The following TRPV6 variants were observed in gnomAD, a reference collection of about 807,000 sequenced individuals.
TRPV6 encodes the protein Alu-binding protein with zinc finger domain.
Under a neutral mutation model 79.0 loss-of-function variants are expected in TRPV6, and 39 were observed. The ratio of observed to expected loss-of-function variants is 0.49; its 90% CI spans 0.38 to 0.64. The LOEUF is 0.64. TRPV6 is among the 30% of genes least tolerant of loss of function. The probability of loss-of-function intolerance (pLI) is 0.00; values close to 1 mark genes in which losing one functional copy is unlikely to be tolerated. For missense variants in TRPV6, 813 were observed against 1,011.1 expected (o/e 0.80, Z 2.66); for synonymous variants, 373 against 391.9 (o/e 0.95, Z 0.57).
chr7:142,882,473 T>A (rs1468718582), intron 1 of TRPV6: 1 of 152,178 alleles, frequency 6.6e-6, no homozygotes, highest in Middle Eastern at 3.2e-3. Flanking sequence ...TCTAGTTTTA[T>A]GGCTCCTCCT....
chr7:142,882,850 A>C (rs1334470139), intron 1 of TRPV6: 1 of 152,150 alleles, frequency 6.6e-6, no homozygotes, highest in Admixed American at 6.5e-5. Flanking sequence ...AACAAGCATC[A>C]CCTTCCCTCC....
At chr7:142,875,043 C>A (rs1416807500) in intron 9 of TRPV6, 35 bp downstream of exon 9, 2 of 1,613,972 alleles carry the variant, frequency 1.2e-6, no homozygotes, top group Admixed American at 1.7e-5. Context: ...ATTCCTCGGG[C>A]AGACAGCCTC....
At position 142,871,955 on chromosome 7, in the gene TRPV6, T is replaced by C; in HGVS notation, c.2050A>G (p.Ile684Val). Residue 684 changes from isoleucine (I) to valine (V), a missense_variant, in exon 15 of 15, where the codon ATC becomes GTC. By Grantham distance (29) the Ile-to-Val change is conservative (BLOSUM62 3). Transcript: ENST00000359396. The stretch of plus-strand genomic sequence containing the variant: ...TGGAAGGCCTGTGCGTAGCGTTGGA[T>C]CCGCTGCCGGTTGAGATCTTGCCTG... 2 of 1,608,326 alleles carry C rather than the reference T, an allele frequency of 1.2e-6. No individual in the cohort carries two copies. The highest frequency in any genetic ancestry group is 3.4e-5 in the Admixed American group (2 of 59,638).
chr7:142,878,064 G>A, intron 1 of TRPV6, 38 bp from the exon 2 acceptor site: 2 of 1,560,932 alleles, frequency 1.3e-6, no homozygotes, highest in East Asian at 2.2e-5. Context: ...GAAACAGTGA[G>A]CATACCTAGT....
rs1586186754 is a variant in TRPV6 at position 142,874,359 on chromosome 7, A to G, written c.1572+132T>C. The G allele has an allele frequency of 7.6e-6, 10 of 1,313,710 alleles. No individual in the cohort carries two copies. In the African/African-American group the frequency reaches 8.8e-5, roughly 12 times the overall value. The allele number at this position is 1,313,710 out of a possible 1,614,324, so 81.4% of individuals were successfully genotyped here. A position where few individuals can be genotyped will look rare whatever the true frequency, so the allele number is the denominator to read the frequency against. On this transcript the variant is annotated intron_variant, in intron 11 of 14. Transcript: ENST00000359396. ...CATTTTTTAAAAGGATTGTTAAAAA[A>G]GAAGAAAAACATGCAGTGAGGCCAT...
intron 3 of TRPV6, 48 bp from the exon 4 acceptor site, chr7:142,877,327 C>G: frequency 6.2e-7 from 1 of 1,602,660 alleles, no homozygotes; most frequent in Non-Finnish European, 8.5e-7. Flanking sequence ...CAGGATCCTG[C>G]AGGGGGTCCC....
rs1795056718 is a variant in TRPV6 at position 142,875,878 on chromosome 7, C to T, written c.909G>A (p.Arg303=). ...GTCCATACGTCCACTGGGTGTGCTT[C>T]CGCTTCTGCATCAGGTGCTGAAACA... The change falls in exon 7 of 15, where the codon CGG becomes CGA. Residue 303 remains arginine, a synonymous_variant. Coordinates refer to ENST00000359396, the MANE Select transcript of TRPV6 (RefSeq NM_018646.6). The T allele has an allele frequency of 6.3e-7, 1 of 1,593,172 alleles. No homozygotes were observed. The highest frequency in any genetic ancestry group is 1.4e-5 in the African/African-American group (1 of 73,794).
rs747013325 is a variant in TRPV6 at position 142,876,565 on chromosome 7, A to G, written c.725T>C (p.Ile242Thr). 6 of 1,613,958 alleles carry G rather than the reference A, an allele frequency of 3.7e-6. No individual in the cohort carries two copies. Among genetic ancestry groups the G allele is most frequent in the African/African-American group, 1.3e-5 (1 of 74,854 alleles). Reference sequence around the variant, plus strand: ...GGTTTTGTTGGGCTGGAGGATGAGGATGTGTAACACTGTGTTTCCTGGGGA... The same window carrying G: ...GGTTTTGTTGGGCTGGAGGATGAGGGTGTGTAACACTGTGTTTCCTGGGGA... Residue 242 changes from isoleucine to threonine, a missense_variant, in exon 6 of 15, where the codon ATC becomes ACC. Physicochemically the swap from Ile to Thr is moderately conservative, Grantham distance 89. This residue lies in a region of TRPV6 where 555 missense variants were observed against 631.0 expected (regional missense o/e 0.88). Transcript: ENST00000359396.
At position 142,874,603 on chromosome 7, in the gene TRPV6, G is replaced by C; in HGVS notation, c.1460C>G (p.Ala487Gly). 1 of 1,614,150 alleles carries C rather than the reference G, an allele frequency of 6.2e-7. No individual in the cohort carries two copies. ...GGACATGGGTACCACCTCCCCGCTG[G>C]CACTGATGAGCCGCATCACCATGGT... is the stretch of plus-strand genomic sequence containing the variant. The change falls in exon 11 of 15, where the codon GCC becomes GGC. Residue 487 changes from alanine (A) to glycine (G), a missense_variant. Ala to Gly is a moderately conservative substitution (Grantham distance 60). Around this residue, in one of 3 missense-constraint regions of TRPV6, gnomAD observed 94 missense variants for 194.0 expected, o/e 0.48. Coordinates refer to ENST00000359396, the MANE Select transcript of TRPV6 (RefSeq NM_018646.6).
rs1211560831 is a variant in TRPV6 at position 142,872,003 on chromosome 7, G to A, written c.2016-14C>T. The A allele has an allele frequency of 6.4e-7, 1 of 1,566,562 alleles. No homozygotes were observed. Among genetic ancestry groups the A allele is most frequent in the African/African-American group, 1.4e-5 (1 of 73,522 alleles). On this transcript the variant is annotated splice_polypyrimidine_tract_variant and intron_variant, in intron 14 of 14. Coordinates refer to ENST00000359396, the MANE Select transcript of TRPV6 (RefSeq NM_018646.6). ...CTGTCTTCCACCCTGTGGAATGCGGGAGGACTTGAGACACAGCCAGGACTT... is the reference window on the plus strand; with the variant it reads ...CTGTCTTCCACCCTGTGGAATGCGGAAGGACTTGAGACACAGCCAGGACTT...
Position 142,871,401 on chromosome 7 carries a change from G to A in TRPV6, c.*306C>T. 2.2e-6 allele frequency: 1 copy of A among 453,482 alleles called. No individual in the cohort carries two copies. The highest frequency in any genetic ancestry group is 4.0e-5 in the East Asian group (1 of 24,998). 28.1% of individuals were successfully genotyped at this position (453,482 alleles called of 1,614,324 possible). ...GGGGTGGAGACCGAGCGCCCAAGCA[G>A]GCTGGCCTGTTTTTAAAGTGCTCTG... On this transcript the variant is annotated 3_prime_UTR_variant, in exon 15 of 15. Transcript: ENST00000359396.
rs1262156524 is a variant in TRPV6 at position 142,876,696 on chromosome 7, C to G, written c.706+43G>C. The G allele has an allele frequency of 2.5e-6, 4 of 1,613,600 alleles. 1 individual carries two copies. The highest frequency in any genetic ancestry group is 3.3e-5 in the Admixed American group (2 of 60,000). ...GCCCCTCTCCTCACCCTGTCCCTCA[C>G]TCCCTGCAGCATCCCAGCTCCCCTC... On this transcript the variant is annotated intron_variant, in intron 5 of 14. Transcript: ENST00000359396.
Position 142,877,036 on chromosome 7 carries a change from G to T in TRPV6, c.607+106C>A, listed in dbSNP as rs140686238. ...AGCCCTAGAAGGATTGCTCCTCCCA[G>T]CTGCCCAACAGATACGGCTGAAGAC... On this transcript the variant is annotated intron_variant, in intron 4 of 14. Coordinates refer to ENST00000359396, the MANE Select transcript of TRPV6 (RefSeq NM_018646.6). 1.6e-4 allele frequency: 231 copies of T among 1,482,242 alleles called. 3 individuals carry two copies. In the East Asian group the frequency reaches 5.6e-3, roughly 36 times the overall value. 91.8% of individuals were successfully genotyped at this position (1,482,242 alleles called of 1,614,324 possible). A position where few individuals can be genotyped will look rare whatever the true frequency, so the allele number is the denominator to read the frequency against.
intron 5 of TRPV6, 36 bp downstream of exon 5, chr7:142,876,703 C>A (rs1180659730): frequency 2.5e-6 from 4 of 1,613,770 alleles, no homozygotes; most frequent in Non-Finnish European, 3.4e-6. Context: ...TCACTCCCTG[C>A]AGCATCCCAG....
intron 1 of TRPV6, chr7:142,885,097 T>C (rs544324975): frequency 7.9e-6 from 2 of 252,510 alleles, no homozygotes; most frequent in South Asian, 1.8e-4. Context: ...GCTCTATCCT[T>C]ACAAGCCCCA....
intron 1 of TRPV6, chr7:142,880,247 C>T: frequency 6.6e-6 from 1 of 152,324 alleles, no homozygotes; most frequent in East Asian, 1.9e-4. Flanking sequence ...CAAAGCCCTC[C>T]TCTCTAGATA....
Position 142,871,926 on chromosome 7 carries a change from G to T in TRPV6, c.2079C>A (p.Thr693=), listed in dbSNP as rs1794943138. The change falls in exon 15 of 15, where the codon ACC becomes ACA. Residue 693 remains threonine (T), a synonymous_variant. Coordinates refer to ENST00000359396, the MANE Select transcript of TRPV6 (RefSeq NM_018646.6). ...CTTTGTCCAAATCCTCAGAGCCCCG[G>T]GTGTGGAAGGCCTGTGCGTAGCGTT... 6.2e-7 allele frequency: 1 copy of T among 1,613,926 alleles called. No individual in the cohort carries two copies. The highest frequency in any genetic ancestry group is 1.7e-5 in the Admixed American group (1 of 60,008).
chr7:142,874,188 C>T (rs1218092252), intron 11 of TRPV6, 46 bp from the exon 12 acceptor site: 3 of 1,592,374 alleles, frequency 1.9e-6, no homozygotes, highest in Non-Finnish European at 2.6e-6. Flanking sequence ...ATTCCCCAAG[C>T]AATTGCCCCA....
In TRPV6 at chr7:142,871,609, G is replaced by T. The variant is rs1794931307; in HGVS notation, c.*98C>A. On this transcript the variant is annotated 3_prime_UTR_variant, in exon 15 of 15. Transcript: ENST00000359396. ...ATGCTACTCCTCTTTCTCCCCTGGGGCCTGGGAGATGAGACCTCTGGGTGT... is the reference window on the plus strand; with the variant it reads ...ATGCTACTCCTCTTTCTCCCCTGGGTCCTGGGAGATGAGACCTCTGGGTGT... The T allele has an allele frequency of 8.5e-6, 12 of 1,409,720 alleles. No homozygotes were observed. The highest frequency in any genetic ancestry group is 7.0e-5 in the South Asian group (5 of 71,926). 87.3% of individuals were successfully genotyped at this position (1,409,720 alleles called of 1,614,324 possible). A position where few individuals can be genotyped will look rare whatever the true frequency, so the allele number is the denominator to read the frequency against.
Sources: gnomAD v4.1 joint callset for allele counts on GRCh38, gnomAD v4.1.1 for gene constraint, gnomAD v4.1.1 regional missense constraint, MANE v1.5 for transcripts, NCBI Gene and HGNC (gene_info 2026-07-23, HGNC 2026-07-21) for gene names.